The following RBFOX3 variants were observed in gnomAD, a reference collection of about 807,000 sequenced individuals.
The protein encoded by RBFOX3 is RNA binding fox-1 homolog 3.
RBFOX3 carries 17 observed loss-of-function variants against 48.7 expected under a neutral mutation model. The ratio of observed to expected loss-of-function variants is 0.35; its 90% CI spans 0.24 to 0.52. The LOEUF (loss-of-function observed/expected upper bound fraction) is 0.52. RBFOX3 is among the 20% of genes least tolerant of loss of function. RBFOX3 has a pLI of 0.94. For missense variants in RBFOX3, 382 were observed against 497.5 expected (o/e 0.77, Z 2.21); for synonymous variants, 212 against 209.5 (o/e 1.01, Z -0.10).
intron 5 of RBFOX3, among the ~76,000 whole-genome samples, chr17:79,113,514 G>A (rs1054865649): frequency 1.3e-5 from 2 of 152,146 alleles, no homozygotes; most frequent in African/African-American, 4.8e-5. Context: ...CCTGAAGAAA[G>A]GAAGGTCAAG....
chr17:79,548,080 A>G (rs1248939134), intron 1 of RBFOX3, among the ~76,000 whole-genome samples: 1 of 152,248 alleles, frequency 6.6e-6, no homozygotes, highest in Non-Finnish European at 1.5e-5. Context: ...TCAAGTTCCC[A>G]GGCAGAGTTT....
the RBFOX3 span, among the ~76,000 whole-genome samples, chr17:79,650,627 G>A: frequency 4.9e-4 from 75 of 152,090 alleles, no homozygotes; most frequent in Middle Eastern, 6.8e-3. Context: ...AGAAGTCTCC[G>A]GCCCCTCCAC....
Position 79,362,829 on chromosome 17 carries a change from T to A in RBFOX3, c.-174-55005A>T, listed in dbSNP as rs188312249. ...ATGAGAGAGGGGTAAAGCGGGAACA[T>A]CAGACAACCCTGAACGCCCGGCTCT... is the stretch of plus-strand genomic sequence containing the variant. On this transcript the variant is annotated intron_variant, in intron 2 of 14. Coordinates refer to ENST00000693108, the MANE Select transcript of RBFOX3 (RefSeq NM_001350451.2). This position sits in a 1 kb window ranked among gnomAD's most constrained non-coding sequence, Gnocchi z 4.2. Among the ~76,000 whole-genome samples the A allele has an allele frequency of 2.0e-4, 31 of 152,190 alleles. No homozygotes were observed. The highest frequency in any genetic ancestry group is 3.4e-4 in the Non-Finnish European group (23 of 68,006).
intron 1 of RBFOX3, among the ~76,000 whole-genome samples, chr17:79,534,187 A>G (rs1555788142): frequency 2.0e-5 from 3 of 152,236 alleles, no homozygotes; most frequent in Non-Finnish European, 4.4e-5. Flanking sequence ...CAAATTCTAC[A>G]ATAGTGAAAA....
chr17:79,383,134 G>A (rs2060143682), intron 2 of RBFOX3, among the ~76,000 whole-genome samples: 1 of 151,354 alleles, frequency 6.6e-6, no homozygotes, highest in Non-Finnish European at 1.5e-5. Flanking sequence ...TCTGATTATT[G>A]TCCTCTTGAG....
intron 1 of RBFOX3, among the ~76,000 whole-genome samples, chr17:79,590,136 C>A (rs1479934793): frequency 5.9e-5 from 9 of 152,040 alleles, no homozygotes; most frequent in African/African-American, 1.9e-4. Flanking sequence ...CGCCTCCCCA[C>A]CCCCCAGGCC....
At chr17:79,536,611 G>A (rs1385128641) in intron 1 of RBFOX3, among the ~76,000 whole-genome samples, 1 of 148,106 alleles carries the variant, frequency 6.8e-6, no homozygotes, top group African/African-American at 2.5e-5. Flanking sequence ...TTGGCCACGG[G>A]TGTTTTCCCC....
intron 2 of RBFOX3, among the ~76,000 whole-genome samples, chr17:79,461,409 G>C (rs1309171779): frequency 6.6e-6 from 1 of 152,164 alleles, no homozygotes; most frequent in Non-Finnish European, 1.5e-5. Flanking sequence ...TGAACAGCTG[G>C]GAAGGAGGAG....
intron 3 of RBFOX3, among the ~76,000 whole-genome samples, chr17:79,302,554 G>A (rs111226581): frequency 0.11 from 16,042 of 152,160 alleles, 906 homozygotes; most frequent in Non-Finnish European, 0.14. Context: ...GGTGGCAGTC[G>A]CCTGTAATCC....
intron 4 of RBFOX3, among the ~76,000 whole-genome samples, chr17:79,221,720 C>T (rs1329030798): frequency 6.6e-6 from 1 of 152,136 alleles, no homozygotes; most frequent in Non-Finnish European, 1.5e-5. Context: ...GGAAGGAGGG[C>T]TCGCTGGGAA....
intron 4 of RBFOX3, among the ~76,000 whole-genome samples, chr17:79,144,536 G>A (rs1336556957): frequency 1.3e-5 from 2 of 152,146 alleles, no homozygotes; most frequent in African/African-American, 4.8e-5. Context: ...CCCACTGCTG[G>A]GGCCTGGGTG....
intron 1 of RBFOX3, among the ~76,000 whole-genome samples, chr17:79,578,522 G>C (rs1949481676): frequency 6.6e-6 from 1 of 152,232 alleles, no homozygotes; most frequent in South Asian, 2.1e-4. Flanking sequence ...CTCCCTTGGA[G>C]GCAGGTAGAT....
At chr17:79,457,632 A>T (rs2074736034) in intron 2 of RBFOX3, among the ~76,000 whole-genome samples, 1 of 152,166 alleles carries the variant, frequency 6.6e-6, no homozygotes, top group Admixed American at 6.5e-5. Context: ...GGCAGCACAG[A>T]GCAACAGCTG....
chr17:79,651,499 G>C, the RBFOX3 span, among the ~76,000 whole-genome samples: 1 of 152,052 alleles, frequency 6.6e-6, no homozygotes, highest in African/African-American at 2.4e-5. Context: ...TGGTCTCTGT[G>C]ACTGATGGAG....
At chr17:79,512,988 T>C (rs1464685904) in intron 1 of RBFOX3, among the ~76,000 whole-genome samples, 2 of 145,708 alleles carry the variant, frequency 1.4e-5, no homozygotes, top group East Asian at 2.1e-4. Flanking sequence ...CATGTTACCA[T>C]CGGGTACAGC....
At chr17:79,127,121 G>C (rs182460220) in intron 4 of RBFOX3, among the ~76,000 whole-genome samples, 2 of 152,236 alleles carry the variant, frequency 1.3e-5, no homozygotes, top group African/African-American at 4.8e-5. Flanking sequence ...CAGGCAAATG[G>C]CTCTGGTTGG....
chr17:79,352,566 C>A (rs1254506560), intron 2 of RBFOX3, among the ~76,000 whole-genome samples: 1 of 152,220 alleles, frequency 6.6e-6, no homozygotes, highest in African/African-American at 2.4e-5. Context: ...TGGCCAGGCA[C>A]CGCTGTCTCA....
chr17:79,366,941 G>A (rs547947653), intron 2 of RBFOX3, among the ~76,000 whole-genome samples: 1 of 152,326 alleles, frequency 6.6e-6, no homozygotes, highest in East Asian at 1.9e-4. Context: ...AGGGCCCTGG[G>A]GAGGGTCCAC....
At chr17:79,344,108 A>G (rs2146761837) in intron 2 of RBFOX3, among the ~76,000 whole-genome samples, 1 of 152,334 alleles carries the variant, frequency 6.6e-6, no homozygotes, top group Middle Eastern at 3.4e-3. Flanking sequence ...CCCCTGTCAG[A>G]GGTGTAGGCA....
Sources: gnomAD v4.1 joint callset for allele counts (sites outside exome capture counted in the v4.1 genomes callset) on GRCh38, gnomAD v4.1.1 for gene constraint, Gnocchi (gnomAD v3.1) non-coding constraint, MANE v1.5 for transcripts, NCBI Gene and HGNC (gene_info 2026-07-23, HGNC 2026-07-21) for gene names.